Variants in HMCN2 observed in about 807,000 individuals in gnomAD.
HMCN2 encodes the protein hemicentin-2.
In HMCN2, 325 loss-of-function variants were observed where a neutral mutation model predicts 377.5. The ratio of observed to expected loss-of-function variants is 0.86; its 90% confidence interval spans 0.79 to 0.94. The LOEUF (loss-of-function observed/expected upper bound fraction) is 0.94, where lower values mean the gene tolerates loss of function less well. Among genes scored for constraint, HMCN2 ranks in the 40% least tolerant of loss-of-function variants. The pLI, the probability that HMCN2 is intolerant of heterozygous loss-of-function variation, is 0.00. For synonymous variants in HMCN2, 2,007 were observed against 2,046.8 expected (o/e 0.98, Z 0.53); for missense variants, 4,543 against 4,725.3 (o/e 0.96, Z 1.13).
At chr9:130,429,152 C>G in intron 93 of HMCN2, 1 of 193,926 alleles carries the variant, frequency 5.2e-6, no homozygotes, top group South Asian at 1.1e-4. Flanking sequence ...CGCCTTTCCT[C>G]CTTTCTCACC....
intron 1 of HMCN2, among the ~76,000 whole-genome samples, chr9:130,279,224 G>A (rs1834976824): frequency 6.6e-6 from 1 of 152,114 alleles, no homozygotes; most frequent in Non-Finnish European, 1.5e-5. Context: ...GTCACTGCAT[G>A]CGTGATGTAT....
chr9:130,323,403 C>T (rs1472361665), intron 19 of HMCN2, among the ~76,000 whole-genome samples: 3 of 152,202 alleles, frequency 2.0e-5, no homozygotes, highest in Non-Finnish European at 4.4e-5. Flanking sequence ...GAGTGGTGCC[C>T]AGGGTGGGTG....
intron 7 of HMCN2, among the ~76,000 whole-genome samples, chr9:130,298,495 G>A (rs1836292186): frequency 6.6e-6 from 1 of 152,218 alleles, no homozygotes; most frequent in South Asian, 2.1e-4. Flanking sequence ...CTGCACTCCA[G>A]CCTGGATGAC....
intron 52 of HMCN2, 124 bp from the exon 53 acceptor site, chr9:130,377,525 G>C (rs1841456301): frequency 2.6e-6 from 1 of 386,954 alleles, no homozygotes; most frequent in Admixed American, 6.4e-5. Context: ...AACGTCTCAG[G>C]GTGTTCTTGT....
At chr9:130,301,385 A>C (rs994935370) in intron 8 of HMCN2, among the ~76,000 whole-genome samples, 1 of 152,198 alleles carries the variant, frequency 6.6e-6, no homozygotes, top group African/African-American at 2.4e-5. Flanking sequence ...TCTCTATCTC[A>C]GCTCTAGATT....
At chr9:130,397,781 C>A in intron 74 of HMCN2, 126 bp downstream of exon 74, 1 of 879,766 alleles carries the variant, frequency 1.1e-6, no homozygotes, top group Non-Finnish European at 1.5e-6. Flanking sequence ...GACCATGAAG[C>A]CCATTAGTAA....
intron 22 of HMCN2, among the ~76,000 whole-genome samples, chr9:130,333,512 A>G (rs1838540190): frequency 6.6e-6 from 1 of 152,218 alleles, no homozygotes; most frequent in Non-Finnish European, 1.5e-5. Flanking sequence ...TGGATGTCAT[A>G]AACAGGAAAT....
intron 5 of HMCN2, 128 bp downstream of exon 5, chr9:130,295,154 G>A (rs1588190001): frequency 3.4e-6 from 1 of 292,178 alleles, no homozygotes; most frequent in Non-Finnish European, 6.9e-6. Flanking sequence ...AGGGAAATAT[G>A]GGGTGGGGGG....
chr9:130,377,564 A>G, intron 52 of HMCN2, 85 bp from the exon 53 acceptor site: 1 of 747,366 alleles, frequency 1.3e-6, no homozygotes, highest in Non-Finnish European at 1.6e-6. Context: ...TGGAGAATGT[A>G]TTGAGAATTA....
Position 130,419,045 on chromosome 9 carries a change from TG to T in HMCN2, c.13231+8del. 1 of 1,492,478 alleles carries T rather than the reference TG, an allele frequency of 6.7e-7. No homozygotes were observed. The highest frequency in any genetic ancestry group is 9.0e-7 in the Non-Finnish European group (1 of 1,116,650). The allele number at this position is 1,492,478 out of a possible 1,614,324, so 92.5% of individuals were successfully genotyped here. A position where few individuals can be genotyped will look rare whatever the true frequency, so the allele number is the denominator to read the frequency against. Reference sequence around the variant, plus strand: ...CGGGCGTTCCTGGTCGTGAGAGGTATGGGGCATCCCTGTCTGGACCTTCGTG... The same window carrying T: ...CGGGCGTTCCTGGTCGTGAGAGGTATGGGCATCCCTGTCTGGACCTTCGTG... On this transcript the variant is annotated splice_donor_5th_base_variant and intron_variant, in intron 86 of 97. Coordinates refer to ENST00000683500, the MANE Select transcript of HMCN2 (RefSeq NM_001291815.2).
rs1312305403 is a variant in HMCN2, at chr9:130,392,017, T to C, written c.10035T>C (p.Pro3345=). 5.1e-6 allele frequency: 5 copies of C among 988,136 alleles called. No individual in the cohort carries two copies. Among genetic ancestry groups the C allele is most frequent in the African/African-American group, 1.7e-5 (1 of 57,314 alleles). The allele number at this position is 988,136 out of a possible 1,614,324, so 61.2% of individuals were successfully genotyped here. The change falls in exon 66 of 98, where the codon CCT becomes CCC. Residue 3345 remains proline, a synonymous_variant. Coordinates refer to ENST00000683500, the MANE Select transcript of HMCN2 (RefSeq NM_001291815.2). The stretch of plus-strand genomic sequence containing the variant: ...GGGAGCTGGTGACCATGGTGTGCCC[T>C]GTGCGGGGCTCCCCGCCCATCCACG... The part of the protein sequence containing the change: ...RPGELVTMVC[P]VRGSPPIHVS...
At chr9:130,401,208 A>G (rs1465262936) in intron 77 of HMCN2, among the ~76,000 whole-genome samples, 2 of 152,210 alleles carry the variant, frequency 1.3e-5, no homozygotes, top group Admixed American at 6.5e-5. Context: ...AAGAAAAATA[A>G]TAGCTCCCTG....
chr9:130,395,138 G>GGGGGGGGGGGGGGGGC, intron 70 of HMCN2, 30 bp downstream of exon 70: 1 of 587,034 alleles, frequency 1.7e-6, no homozygotes, highest in South Asian at 1.9e-5. Context: ...TGGGGGCAGG[G>GGGGGGGGGGGGGGGGC]CCGGGAGGCA....
At position 130,399,502 on chromosome 9, in the gene HMCN2, C is replaced by T; in HGVS notation, c.11484-9C>T. On this transcript the variant is annotated splice_polypyrimidine_tract_variant and intron_variant, in intron 75 of 97. Transcript: ENST00000683500. Reference sequence around the variant, plus strand: ...AGCAGCCACTTGGCCGTCTGTCTGTCCACCCCAGGCTCCTGCCCTCCAACG... The same window carrying T: ...AGCAGCCACTTGGCCGTCTGTCTGTTCACCCCAGGCTCCTGCCCTCCAACG... 1 of 1,275,156 alleles carries T rather than the reference C, an allele frequency of 7.8e-7. No individual in the cohort carries two copies. The highest frequency in any genetic ancestry group is 1.5e-5 in the African/African-American group (1 of 65,664). 79.0% of individuals were successfully genotyped at this position (1,275,156 alleles called of 1,614,324 possible). A position where few individuals can be genotyped will look rare whatever the true frequency, so the allele number is the denominator to read the frequency against.
chr9:130,433,764 G>A lies in HMCN2; in HGVS notation c.*71G>A. ...GGGGTCGAGGAGAAGCTTGGTCCAC[G>A]CCACCTGCTGTGGCAAGCGGAGCGT... On this transcript the variant is annotated 3_prime_UTR_variant, in exon 98 of 98. Transcript: ENST00000683500. 2 of 1,223,110 alleles carry A rather than the reference G, an allele frequency of 1.6e-6. No individual in the cohort carries two copies. The highest frequency in any genetic ancestry group is 1.1e-6 in the Non-Finnish European group (1 of 920,948). 75.8% of individuals were successfully genotyped at this position (1,223,110 alleles called of 1,614,324 possible).
At chr9:130,381,342 C>G (rs1356048583) in intron 54 of HMCN2, among the ~76,000 whole-genome samples, 3 of 152,136 alleles carry the variant, frequency 2.0e-5, no homozygotes, top group African/African-American at 7.2e-5. Flanking sequence ...AACGCCAGCC[C>G]CCATAGATGC....
rs1554933291 is a variant in HMCN2 at position 130,299,171 on chromosome 9, G to C, written c.1159G>C (p.Gly387Arg). The C allele has an allele frequency of 2.1e-6, 1 of 471,156 alleles. No individual in the cohort carries two copies. The highest frequency in any genetic ancestry group is 4.4e-6 in the Non-Finnish European group (1 of 227,030). 29.2% of individuals were successfully genotyped at this position (471,156 alleles called of 1,614,324 possible). A position where few individuals can be genotyped will look rare whatever the true frequency, so the allele number is the denominator to read the frequency against. The stretch of plus-strand genomic sequence containing the variant: ...CAATGGCTCCACCCATCAGCTGTGG[G>C]GCGGGCCGCCCTTCCACACCCCCAA... The part of the protein sequence containing the change: ...LSNGSTHQLW[G>R]GPPFHTPKER... The change falls in exon 8 of 98, where the codon GGC becomes CGC. Residue 387 changes from glycine (G) to arginine (R), a missense_variant. Gly to Arg is a moderately radical substitution (Grantham distance 125, BLOSUM62 -2). Around this residue, in one of 5 missense-constraint regions of HMCN2, gnomAD observed 547 missense variants for 189.9 expected, o/e 2.88. Coordinates refer to ENST00000683500, the MANE Select transcript of HMCN2 (RefSeq NM_001291815.2).
Position 130,376,500 on chromosome 9 carries a change from C to T in HMCN2, c.7919-16C>T, listed in dbSNP as rs1477492763. The T allele has an allele frequency of 1.4e-5, 14 of 985,202 alleles. No homozygotes were observed. The highest frequency in any genetic ancestry group is 6.2e-5 in the Admixed American group (1 of 16,260). The allele number at this position is 985,202 out of a possible 1,614,324, so 61.0% of individuals were successfully genotyped here. The stretch of plus-strand genomic sequence containing the variant: ...CCATCCCCCAGCTCTGCTCTCAGAC[C>T]CCTCGTGCTTTTCAGTCCCCCCTTC... On this transcript the variant is annotated splice_polypyrimidine_tract_variant and intron_variant, in intron 51 of 97. Transcript: ENST00000683500.
At chr9:130,396,906 G>A (rs962513584) in intron 73 of HMCN2, among the ~76,000 whole-genome samples, 4 of 152,190 alleles carry the variant, frequency 2.6e-5, no homozygotes, top group South Asian at 2.1e-4. Context: ...CTCAGGAGAG[G>A]TCAAGCCCAG....
Sources: gnomAD v4.1 joint callset for allele counts (sites outside exome capture counted in the v4.1 genomes callset) on GRCh38, gnomAD v4.1.1 for gene constraint, gnomAD v4.1.1 regional missense constraint, MANE v1.5 for transcripts, NCBI Gene and HGNC (gene_info 2026-07-23, HGNC 2026-07-21) for gene names.